RASAL2: variants seen among roughly 807,000 people sequenced by gnomAD.
RASAL2 encodes the protein RAS protein activator like 2, also known as ras GTPase-activating protein nGAP.
A neutral mutation model predicts 128.9 loss-of-function variants in RASAL2; 58 were observed. The observed-to-expected ratio is 0.45, with a 90% CI of 0.36 to 0.56. RASAL2 has a LOEUF of 0.56. Among genes scored for constraint, RASAL2 ranks in the 20% least tolerant of loss-of-function variants. The pLI is 0.00. For synonymous variants in RASAL2, 561 were observed against 580.8 expected, an observed-to-expected ratio of 0.97 and a Z score of 0.49; for missense variants, 1,360 against 1,601.6, an observed-to-expected ratio of 0.85 and a Z score of 2.57.
chr1:178,388,322 T>G (rs951689391), intron 3 of RASAL2, among the ~76,000 whole-genome samples: 11 of 152,222 alleles, frequency 7.2e-5, no homozygotes, highest in Non-Finnish European at 1.5e-4. Flanking sequence ...GCTGATTTAC[T>G]TAAATTCAGT....
intron 1 of RASAL2, among the ~76,000 whole-genome samples, chr1:178,103,049 AGCC>A (rs1160310940): frequency 6.6e-6 from 1 of 152,180 alleles, no homozygotes; most frequent in African/African-American, 2.4e-5. Context: ...GGGGGTCTGG[AGCC>A]GGTAAATTGC....
chr1:178,326,995 A>C (rs553261453), intron 3 of RASAL2, among the ~76,000 whole-genome samples: 1 of 152,230 alleles, frequency 6.6e-6, no homozygotes, highest in African/African-American at 2.4e-5. Context: ...CCATGCTACA[A>C]TATAAATATT....
intron 1 of RASAL2, among the ~76,000 whole-genome samples, chr1:178,272,958 C>T (rs1666327794): frequency 6.6e-6 from 1 of 151,810 alleles, no homozygotes; most frequent in Non-Finnish European, 1.5e-5. Context: ...CAAATATTTG[C>T]TGTAACGACT....
intron 3 of RASAL2, among the ~76,000 whole-genome samples, chr1:178,385,319 C>T (rs546152477): frequency 6.6e-6 from 1 of 152,174 alleles, no homozygotes; most frequent in African/African-American, 2.4e-5. Flanking sequence ...CACTTATAGT[C>T]CCAGCTACTC....
In RASAL2 at chr1:178,147,889, G is replaced by A. The variant is rs188859129; in HGVS notation, c.202+53195G>A. On this transcript the variant is annotated intron_variant, in intron 1 of 17. Coordinates refer to ENST00000367649, the MANE Select transcript of RASAL2 (RefSeq NM_170692.4). ...GTTCGAGACCAGGCTGGCCAACATG[G>A]TGAAAACCTGCTTCCACTAAAAATA... 1.7e-3 allele frequency among the ~76,000 whole-genome samples: 262 copies of A among 152,184 alleles called. 3 individuals are homozygous for A. Among genetic ancestry groups the A allele is most frequent in the Admixed American group, 0.015 (236 of 15,284 alleles).
Position 178,445,625 on chromosome 1 carries a change from C to G in RASAL2, c.1590C>G (p.Leu530=), listed in dbSNP as rs765301486. The change falls in exon 9 of 18, where the codon CTC becomes CTG. Residue 530 remains leucine (L), a synonymous_variant. Transcript: ENST00000367649. ...CCACCAAATCCATTGAGGAATACCT[C>G]AAGTTGGTGGGACAACAGTATCTTC... ...TIATKSIEEY[L]KLVGQQYLHD... is the part of the protein sequence containing the mutation. 3 of 1,613,702 alleles carry G rather than the reference C, an allele frequency of 1.9e-6. No individual in the cohort carries two copies. The highest frequency in any genetic ancestry group is 2.5e-6 in the Non-Finnish European group (3 of 1,179,726).
chr1:178,464,148 T>C, intron 14 of RASAL2, 130 bp from the exon 15 acceptor site: 1 of 1,111,294 alleles, frequency 9.0e-7, no homozygotes, highest in Non-Finnish European at 1.2e-6. Context: ...AGTAAAATAA[T>C]ACTTAAAGCT....
At position 178,419,310 on chromosome 1, in the gene RASAL2, A is replaced by G. The variant is rs191094939; in HGVS notation, c.565-1201A>G. On this transcript the variant is annotated intron_variant, in intron 4 of 17. Transcript: ENST00000367649. ...TGTTTTTGGGTTAGGGTTTCATTCT[A>G]TTGCCCCGGCTGGAGTGCTGTGGTA... Among the ~76,000 whole-genome samples the G allele has an allele frequency of 2.3e-3, 353 of 152,096 alleles. 1 individual carries two copies. The highest frequency in any genetic ancestry group is 7.3e-3 in the African/African-American group (303 of 41,508).
chr1:178,346,969 G>C (rs1670188026), intron 3 of RASAL2, among the ~76,000 whole-genome samples: 1 of 152,070 alleles, frequency 6.6e-6, no homozygotes, highest in African/African-American at 2.4e-5. Context: ...AACTGTTTAG[G>C]TCAACACTTG....
chr1:178,252,281 G>C (rs1231794861), intron 1 of RASAL2, among the ~76,000 whole-genome samples: 1 of 151,856 alleles, frequency 6.6e-6, no homozygotes, highest in African/African-American at 2.4e-5. Context: ...TAAAAATCCA[G>C]GGGTAAATTA....
intron 4 of RASAL2, among the ~76,000 whole-genome samples, chr1:178,407,187 A>C (rs574041863): frequency 1.3e-5 from 2 of 152,358 alleles, no homozygotes; most frequent in East Asian, 3.9e-4. Context: ...TGCACTTTGC[A>C]ACTATTTCTT....
chr1:178,165,197 A>ATG (rs1049207040), intron 1 of RASAL2, among the ~76,000 whole-genome samples: 4 of 151,672 alleles, frequency 2.6e-5, no homozygotes, highest in South Asian at 2.1e-4. Flanking sequence ...ATACATATAT[A>ATG]TGTGTGTGTG....
At position 178,477,491 on chromosome 1, in the gene RASAL2, T is replaced by G. The variant is rs567595705; in HGVS notation, c.*4252T>G. The G allele has an allele frequency of 1.3e-5, 2 of 152,292 alleles. No homozygotes were observed. The highest frequency in any genetic ancestry group is 3.9e-4 in the East Asian group (2 of 5,190). The allele number at this position is 152,292 out of a possible 1,614,324, so 9.4% of individuals were successfully genotyped here. A position where few individuals can be genotyped will look rare whatever the true frequency, so the allele number is the denominator to read the frequency against. On this transcript the variant is annotated 3_prime_UTR_variant, in exon 18 of 18. Coordinates refer to ENST00000367649, the MANE Select transcript of RASAL2 (RefSeq NM_170692.4). ...ATTTGCATGAGATAGAATAAATATC[T>G]TAGGAGGAGTGAAAGAACCTGAGGA... is the stretch of plus-strand genomic sequence containing the variant.
In RASAL2 at chr1:178,466,027, G is replaced by T; in HGVS notation, c.3495G>T (p.Leu1165=). 6.3e-7 allele frequency: 1 copy of T among 1,575,814 alleles called. No individual in the cohort carries two copies. The highest frequency in any genetic ancestry group is 1.2e-5 in the South Asian group (1 of 85,900). ...TGCAGGAGCAGCAGATGCAGAAGCT[G>T]CTGCTGGAATACAAGGCCCGACTGG... ...LLVQEQQMQK[L]LLEYKARLED... Residue 1165 remains leucine, a synonymous_variant, in exon 16 of 18, where the codon CTG becomes CTT. Coordinates refer to ENST00000367649, the MANE Select transcript of RASAL2 (RefSeq NM_170692.4).
intron 2 of RASAL2, among the ~76,000 whole-genome samples, chr1:178,288,801 C>T (rs1250036442): frequency 1.3e-5 from 2 of 151,788 alleles, no homozygotes; most frequent in African/African-American, 4.8e-5. Context: ...CAGGCATGCG[C>T]CACCATGCCC....
chr1:178,167,504 A>G (rs1305359953), intron 1 of RASAL2, among the ~76,000 whole-genome samples: 1 of 152,128 alleles, frequency 6.6e-6, no homozygotes, highest in Non-Finnish European at 1.5e-5. Flanking sequence ...TTTTTAAAGT[A>G]CAGTTGATCT....
At chr1:178,454,870 A>C (rs1195951108) in intron 12 of RASAL2, among the ~76,000 whole-genome samples, 3 of 152,240 alleles carry the variant, frequency 2.0e-5, no homozygotes, top group Non-Finnish European at 2.9e-5. Flanking sequence ...AATTATCTGA[A>C]TTAATGGAGT....
At chr1:178,472,669 GTGAAA>G (rs974683462) in intron 17 of RASAL2, among the ~76,000 whole-genome samples, 6 of 152,156 alleles carry the variant, frequency 3.9e-5, no homozygotes, top group African/African-American at 1.4e-4. Flanking sequence ...CTTCTCCTCT[GTGAAA>G]TGAAACCTCT....
chr1:178,242,424 TCTCTCTCTCTCTC>T, intron 1 of RASAL2, among the ~76,000 whole-genome samples: 1 of 864 alleles, frequency 1.2e-3, no homozygotes, highest in African/African-American at 1.8e-3. Context: ...TATAATTCAT[TCTCTCTCTCTCTC>T]TCTCTCTCTC....
Sources: gnomAD v4.1 joint callset for allele counts (sites outside exome capture counted in the v4.1 genomes callset) on GRCh38, gnomAD v4.1.1 for gene constraint, MANE v1.5 for transcripts, NCBI Gene and HGNC (gene_info 2026-07-23, HGNC 2026-07-21) for gene names.